Variants in PYROXD2 observed in about 807,000 individuals in gnomAD.
PYROXD2 encodes pyridine nucleotide-disulphide oxidoreductase domain 2.
Under a neutral mutation model 71.1 loss-of-function variants are expected in PYROXD2, and 69 were observed. The observed-to-expected ratio is 0.97, with a 90% CI of 0.80 to 1.19. The LOEUF is 1.19. Among genes scored for constraint, PYROXD2 ranks in the 50% most tolerant of loss-of-function variants. The probability of loss-of-function intolerance (pLI) is 0.00; values close to 1 mark genes in which losing one functional copy is unlikely to be tolerated. For synonymous variants in PYROXD2, 287 were observed against 302.7 expected (o/e 0.95, Z 0.54); for missense variants, 745 against 748.9 (o/e 0.99, Z 0.06).
At position 98,384,856 on chromosome 10, in the gene PYROXD2, CTTCA is replaced by C. The variant is rs1375246895; in HGVS notation, c.1675+87_1675+90del. The C allele has an allele frequency of 3.4e-6, 5 of 1,459,838 alleles. No homozygotes were observed. In the African/African-American group the frequency reaches 7.1e-5, roughly 21 times the overall value. 90.4% of individuals were successfully genotyped at this position (1,459,838 alleles called of 1,614,324 possible). A position where few individuals can be genotyped will look rare whatever the true frequency, so the allele number is the denominator to read the frequency against. ...CCCTGCTCCCCTCCCTCTCTGCCAC[CTTCA>C]TTGCTTAACTTCCTCCTTCTCCAAG... On this transcript the variant is annotated intron_variant, in intron 15 of 15. Coordinates refer to ENST00000370575, the MANE Select transcript of PYROXD2 (RefSeq NM_032709.3).
At chr10:98,392,300 CT>C in intron 10 of PYROXD2, 131 bp downstream of exon 10, 2 of 1,453,262 alleles carry the variant, frequency 1.4e-6, no homozygotes, top group Non-Finnish European at 1.8e-6. Flanking sequence ...CCTTACCCCC[CT>C]GTTTCCCAAA....
Position 98,390,634 on chromosome 10 carries a change from G to T in PYROXD2, c.1256C>A (p.Ala419Asp). 1.2e-6 allele frequency: 2 copies of T among 1,610,124 alleles called. No individual in the cohort carries two copies. Among genetic ancestry groups the T allele is most frequent in the South Asian group, 1.1e-5 (1 of 90,404 alleles). The part of the protein sequence containing the change: ...NCEDTLLLHQ[A>D]FEDAMDGLPS... ...CAGGCCATCCATGGCATCTTCAAAG[G>T]CCTGATGAAGGAGGAGGGTGTCTTC... The change falls in exon 12 of 16, where the codon GCC becomes GAC. Residue 419 changes from alanine (A) to aspartate (D), a missense_variant. Physicochemically the swap from Ala to Asp is moderately radical, Grantham distance 126. Transcript: ENST00000370575.
intron 3 of PYROXD2, 26 bp from the exon 4 acceptor site, chr10:98,407,681 T>A (rs766177678): frequency 6.3e-7 from 1 of 1,594,594 alleles, no homozygotes; most frequent in Non-Finnish European, 8.5e-7. Flanking sequence ...ATGAAGACTG[T>A]CACCAGGGGT....
chr10:98,411,119 A>C, intron 1 of PYROXD2, 161 bp from the exon 2 acceptor site: 7 of 957,380 alleles, frequency 7.3e-6, no homozygotes, highest in Non-Finnish European at 9.3e-6. Context: ...AACAGCATCT[A>C]GTTCAACTCC....
At chr10:98,392,806 T>TA (rs771644465) in intron 9 of PYROXD2, 136 bp downstream of exon 9, 44 of 1,164,568 alleles carry the variant, frequency 3.8e-5, no homozygotes, top group Middle Eastern at 4.0e-4. Context: ...TGCATGACCT[T>TA]AATCTCTTGA....
chr10:98,406,165 C>A (rs188937016), intron 4 of PYROXD2, among the ~76,000 whole-genome samples: 7 of 152,330 alleles, frequency 4.6e-5, no homozygotes, highest in South Asian at 2.1e-4. Context: ...CCTATTACTG[C>A]AGCCCAAGGC....
At chr10:98,411,767 C>T (rs1843797638) in intron 1 of PYROXD2, 1 of 152,150 alleles carries the variant, frequency 6.6e-6, no homozygotes, top group African/African-American at 2.4e-5. Context: ...GTCTGTTCAG[C>T]AGGTGTTTCA....
At chr10:98,405,652 G>A (rs1456142002) in intron 4 of PYROXD2, among the ~76,000 whole-genome samples, 2 of 152,190 alleles carry the variant, frequency 1.3e-5, no homozygotes, top group Admixed American at 6.5e-5. Context: ...GCAGCCGGCC[G>A]GTTTCCAGCA....
intron 8 of PYROXD2, among the ~76,000 whole-genome samples, chr10:98,393,627 C>T (rs1400521792): frequency 1.3e-5 from 2 of 152,184 alleles, no homozygotes; most frequent in East Asian, 1.9e-4. Flanking sequence ...CCTCTCTTCT[C>T]TTCCTTATGC....
At chr10:98,389,409 A>G (rs1477692760) in intron 12 of PYROXD2, among the ~76,000 whole-genome samples, 1 of 152,020 alleles carries the variant, frequency 6.6e-6, no homozygotes, top group Non-Finnish European at 1.5e-5. Flanking sequence ...ATTGCAACAG[A>G]TGCCTTAACT....
rs752138434 is a variant in PYROXD2, at chr10:98,415,122, C to G, written c.14G>C (p.Gly5Ala). 4.1e-5 allele frequency: 66 copies of G among 1,612,984 alleles called. No individual in the cohort carries two copies. In the Admixed American group the frequency reaches 9.8e-4, roughly 24 times the overall value. The change falls in exon 1 of 16, where the codon GGC (glycine) becomes GCC (alanine). Residue 5 changes from glycine (G) to alanine (A), a missense_variant. Gly to Ala is a moderately conservative substitution (Grantham distance 60, BLOSUM62 0). Transcript: ENST00000370575. Reference sequence around the variant, plus strand: ...GGCCACAGCCTTGCAGAGACCTCGGCCACTTGCAGCCATTTCTGCCCCAGG... The same window carrying G: ...GGCCACAGCCTTGCAGAGACCTCGGGCACTTGCAGCCATTTCTGCCCCAGG... The part of the protein sequence containing the change: MAAS[G>A]RGLCKAVAAS...
At chr10:98,410,838 T>C in intron 2 of PYROXD2, 101 bp downstream of exon 2, 1 of 1,530,250 alleles carries the variant, frequency 6.5e-7, no homozygotes, top group Non-Finnish European at 8.9e-7. Context: ...TCCTTCTCTC[T>C]CAAGGCCCTT....
At chr10:98,386,590 T>C (rs572666365) in intron 14 of PYROXD2, among the ~76,000 whole-genome samples, 2 of 151,658 alleles carry the variant, frequency 1.3e-5, no homozygotes, top group East Asian at 3.9e-4. Context: ...CTCATTCTGT[T>C]GCCCAGGCTG....
In PYROXD2 at chr10:98,407,704, GGACCGTCACCAGGGGTCAGCAGGGATGGA is replaced by G. The variant is rs780021716; in HGVS notation, c.242-78_242-50del. 2.0e-4 allele frequency: 308 copies of G among 1,552,072 alleles called. 46 individuals are homozygous for G. The African/African-American group carries it at 3.9e-3, about 19-fold the overall frequency. The stretch of plus-strand genomic sequence containing the variant: ...TGTCACCAGGGGTCACCAGGGATGA[GGACCGTCACCAGGGGTCAGCAGGGATGGA>G]GACCGTCACCAGGGGTCAGCAGGGA... On this transcript the variant is annotated intron_variant, in intron 3 of 15. Coordinates refer to ENST00000370575, the MANE Select transcript of PYROXD2 (RefSeq NM_032709.3).
Position 98,383,764 on chromosome 10 carries a change from G to A in PYROXD2, c.*34C>T. The stretch of plus-strand genomic sequence containing the variant: ...AATGGAGCACTTGGAATTCAGGGGT[G>A]GAGTCTTCTTCCTGGGTCAGAGCTG... On this transcript the variant is annotated 3_prime_UTR_variant, in exon 16 of 16. Coordinates refer to ENST00000370575, the MANE Select transcript of PYROXD2 (RefSeq NM_032709.3). 6.3e-7 allele frequency: 1 copy of A among 1,586,942 alleles called. No individual in the cohort carries two copies. The highest frequency in any genetic ancestry group is 8.7e-7 in the Non-Finnish European group (1 of 1,155,228).
At chr10:98,395,086 G>C in intron 8 of PYROXD2, 110 bp downstream of exon 8, 1 of 915,016 alleles carries the variant, frequency 1.1e-6, no homozygotes, top group Non-Finnish European at 1.8e-6. Context: ...TGGCTCACTG[G>C]GTGAGCTCTG....
At chr10:98,397,575 C>T in intron 5 of PYROXD2, 77 bp from the exon 6 acceptor site, 2 of 1,457,816 alleles carry the variant, frequency 1.4e-6, no homozygotes, top group Admixed American at 2.3e-5. Context: ...GCCTGTCACC[C>T]CCCCACAGCT....
rs752163891 is a variant in PYROXD2 at position 98,383,887 on chromosome 10, T to C, written c.1676-19A>G. 1.2e-6 allele frequency: 2 copies of C among 1,612,604 alleles called. No homozygotes were observed. Among genetic ancestry groups the C allele is most frequent in the Non-Finnish European group, 1.7e-6 (2 of 1,179,038 alleles). ...CCTCCTCCTGGAAGGGAATCTCCTATGAACCAAAGCTCCGCTCAAAAACCT... is the reference window on the plus strand; with the variant it reads ...CCTCCTCCTGGAAGGGAATCTCCTACGAACCAAAGCTCCGCTCAAAAACCT... On this transcript the variant is annotated intron_variant, in intron 15 of 15. Coordinates refer to ENST00000370575, the MANE Select transcript of PYROXD2 (RefSeq NM_032709.3).
intron 1 of PYROXD2, 179 bp from the exon 2 acceptor site, chr10:98,411,137 A>G: frequency 1.2e-6 from 1 of 830,450 alleles, no homozygotes; most frequent in Non-Finnish European, 1.9e-6. Flanking sequence ...TCCATGAAAC[A>G]CCAGATCTTC....
Sources: gnomAD v4.1 joint callset for allele counts (sites outside exome capture counted in the v4.1 genomes callset) on GRCh38, gnomAD v4.1.1 for gene constraint, MANE v1.5 for transcripts, NCBI Gene and HGNC (gene_info 2026-07-23, HGNC 2026-07-21) for gene names.